Variants in IPO5 observed in about 807,000 individuals in gnomAD.
IPO5 encodes importin-5.
In IPO5, 18 loss-of-function variants were observed where a neutral mutation model predicts 143.3. The ratio of observed to expected loss-of-function variants is 0.13; its 90% confidence interval spans 0.09 to 0.19. The LOEUF is 0.19. Among genes scored for constraint, IPO5 ranks in the 10% least tolerant of loss-of-function variants. The probability of loss-of-function intolerance (pLI) is 1.00; values close to 1 mark genes in which losing one functional copy is unlikely to be tolerated. For synonymous variants in IPO5, 477 were observed against 465.7 expected, an observed-to-expected ratio of 1.02 and a Z score of -0.31; for missense variants, 1,013 against 1,336.9, an observed-to-expected ratio of 0.76 and a Z score of 3.78.
At chr13:97,981,486 A>G in intron 4 of IPO5, 1 of 264,816 alleles carries the variant, frequency 3.8e-6, no homozygotes, top group Non-Finnish European at 7.4e-6. Context: ...GGTTTAAGCT[A>G]GATGTGGATT....
chr13:97,970,788 A>G (rs1157396633), intron 3 of IPO5, among the ~76,000 whole-genome samples: 1 of 152,160 alleles, frequency 6.6e-6, no homozygotes, highest in Non-Finnish European at 1.5e-5. Flanking sequence ...TTTTTTTCTT[A>G]ACCACAATTA....
chr13:98,017,489 G>A (rs1383620672), intron 25 of IPO5, among the ~76,000 whole-genome samples: 1 of 152,000 alleles, frequency 6.6e-6, no homozygotes, highest in Non-Finnish European at 1.5e-5. Flanking sequence ...TAGTAGAGAT[G>A]GGGTTTCACC....
At chr13:97,959,936 C>T (rs1365306398) in intron 2 of IPO5, among the ~76,000 whole-genome samples, 1 of 152,206 alleles carries the variant, frequency 6.6e-6, no homozygotes, top group African/African-American at 2.4e-5. Flanking sequence ...TCCCCACAGC[C>T]TAGCAGCACC....
Position 98,021,103 on chromosome 13 carries a change from A to G in IPO5, c.3177A>G (p.Lys1059=). The change falls in exon 28 of 29, where the codon AAA becomes AAG. Residue 1059 remains lysine (K), a synonymous_variant. Coordinates refer to ENST00000651721, the MANE Select transcript of IPO5 (RefSeq NM_002271.6). ...EAIKHEDPCA[K]RLANVVRQVQ... The stretch of plus-strand genomic sequence containing the variant: ...TTAAACATGAAGATCCTTGTGCCAA[A>G]CGTCTGGCCAATGTCGTTCGCCAAG... The G allele has an allele frequency of 6.2e-7, 1 of 1,608,964 alleles. No homozygotes were observed. The highest frequency in any genetic ancestry group is 1.7e-5 in the Admixed American group (1 of 58,906).
At chr13:98,007,174 C>T (rs1038183127) in intron 17 of IPO5, among the ~76,000 whole-genome samples, 1 of 152,056 alleles carries the variant, frequency 6.6e-6, no homozygotes, top group African/African-American at 2.4e-5. Flanking sequence ...ATTAAGGTTT[C>T]TTTTTAGCTC....
chr13:97,959,693 C>T (rs1167735799), intron 2 of IPO5, among the ~76,000 whole-genome samples: 1 of 152,154 alleles, frequency 6.6e-6, no homozygotes, highest in Non-Finnish European at 1.5e-5. Flanking sequence ...TAGATAGCGC[C>T]ACTGCACTCC....
chr13:97,955,475 A>G (rs1884392014), intron 2 of IPO5, among the ~76,000 whole-genome samples: 1 of 152,144 alleles, frequency 6.6e-6, no homozygotes, highest in Non-Finnish European at 1.5e-5. Flanking sequence ...TCTGATGGAG[A>G]AAATGAGCGG....
At chr13:98,008,017 A>G in intron 17 of IPO5, 42 bp from the exon 18 acceptor site, 1 of 1,298,798 alleles carries the variant, frequency 7.7e-7, no homozygotes, top group Non-Finnish European at 1.1e-6. Context: ...CAAGAAACAA[A>G]ATTCGGTATC....
At chr13:97,955,797 A>G (rs1305016435) in intron 2 of IPO5, among the ~76,000 whole-genome samples, 2 of 152,124 alleles carry the variant, frequency 1.3e-5, no homozygotes, top group Admixed American at 6.6e-5. Context: ...CCAAGGGCCA[A>G]CTTCTATCCT....
At chr13:97,999,840 T>TG (rs1469956623) in intron 12 of IPO5, among the ~76,000 whole-genome samples, 1 of 152,238 alleles carries the variant, frequency 6.6e-6, no homozygotes, top group Non-Finnish European at 1.5e-5. Flanking sequence ...CAGTTTTCTA[T>TG]GTTCTGTTCA....
Position 97,982,454 on chromosome 13 carries a change from A to T in IPO5, c.91-49A>T, listed in dbSNP as rs78449462. 3.6e-3 allele frequency: 4,512 copies of T among 1,246,374 alleles called. 93 individuals carry two copies. The East Asian group carries it at 0.059, about 16-fold the overall frequency. The allele number at this position is 1,246,374 out of a possible 1,614,324, so 77.2% of individuals were successfully genotyped here. The stretch of plus-strand genomic sequence containing the variant: ...GTTTATTTCTTTCACTGGTTTACTC[A>T]TGAAGTTTCCTAACATTCTTTCCTA... On this transcript the variant is annotated intron_variant, in intron 4 of 28. Coordinates refer to ENST00000651721, the MANE Select transcript of IPO5 (RefSeq NM_002271.6).
At chr13:97,984,948 ATGTT>A (rs1309086570) in intron 5 of IPO5, among the ~76,000 whole-genome samples, 1 of 152,206 alleles carries the variant, frequency 6.6e-6, no homozygotes, top group Admixed American at 6.5e-5. Flanking sequence ...GGAACTCGTA[ATGTT>A]TGTTTGCATG....
chr13:98,006,066 A>G, intron 16 of IPO5, 64 bp from the exon 17 acceptor site: 1 of 1,079,994 alleles, frequency 9.3e-7, no homozygotes, highest in South Asian at 1.3e-5. Context: ...AGGGAGTAGT[A>G]ATTGTAAATT....
In IPO5 at chr13:98,002,910, G is replaced by C. The variant is rs1296466627; in HGVS notation, c.1370G>C (p.Arg457Pro). 1.2e-6 allele frequency: 2 copies of C among 1,613,788 alleles called. No homozygotes were observed. The highest frequency in any genetic ancestry group is 1.7e-6 in the Non-Finnish European group (2 of 1,179,888). The change falls in exon 16 of 29, where the codon CGT becomes CCT. Residue 457 changes from arginine to proline, a missense_variant. Physicochemically the swap from Arg to Pro is moderately radical, Grantham distance 103. Transcript: ENST00000651721. ...LQTMEDQGNQ[R>P]VQAHAAAALI... ...ACCATGGAAGACCAAGGCAATCAAC[G>C]TGTGCAGGCCCATGCAGCTGCTGCC...
At chr13:98,002,145 G>C (rs576258503) in intron 13 of IPO5, 1 of 168,716 alleles carries the variant, frequency 5.9e-6, no homozygotes, top group African/African-American at 2.4e-5. Flanking sequence ...CTCCCGAGTA[G>C]CTGGGAATAC....
intron 27 of IPO5, 77 bp from the exon 28 acceptor site, chr13:98,020,915 C>A: frequency 1.8e-6 from 2 of 1,122,368 alleles, no homozygotes; most frequent in Non-Finnish European, 2.6e-6. Context: ...ATTTAAAAGG[C>A]CATTGATTTT....
intron 4 of IPO5, among the ~76,000 whole-genome samples, chr13:97,979,647 C>G (rs1334077776): frequency 1.3e-5 from 2 of 152,126 alleles, no homozygotes; most frequent in African/African-American, 2.4e-5. Context: ...TATTTTCTTA[C>G]TAAGGTTCTC....
intron 11 of IPO5, among the ~76,000 whole-genome samples, chr13:97,993,695 A>G (rs1887985584): frequency 6.6e-6 from 1 of 152,234 alleles, no homozygotes; most frequent in Admixed American, 6.5e-5. Context: ...AGAAACTTAA[A>G]TGGCTATTGT....
At chr13:97,955,030 TC>T (rs1473381108) in intron 2 of IPO5, among the ~76,000 whole-genome samples, 2 of 151,936 alleles carry the variant, frequency 1.3e-5, no homozygotes, top group East Asian at 3.9e-4. Context: ...GAGTTTAAGG[TC>T]AGCCTAGGCA....
Sources: gnomAD v4.1 joint callset for allele counts (sites outside exome capture counted in the v4.1 genomes callset) on GRCh38, gnomAD v4.1.1 for gene constraint, MANE v1.5 for transcripts, NCBI Gene and HGNC (gene_info 2026-07-23, HGNC 2026-07-21) for gene names.